The following PDE1C variants were observed in gnomAD, a reference collection of about 807,000 sequenced individuals.
The protein encoded by PDE1C is phosphodiesterase 1C.
PDE1C carries 62 observed loss-of-function variants against 93.1 expected under a neutral mutation model. That is an observed-to-expected ratio of 0.67 (90% CI 0.54 to 0.82). The LOEUF (loss-of-function observed/expected upper bound fraction) is 0.82, where lower values mean the gene tolerates loss of function less well. Ranked by LOEUF, PDE1C falls within the 40% of genes least tolerant of loss-of-function variation. The probability of loss-of-function intolerance (pLI) is 0.00; values close to 1 mark genes in which losing one functional copy is unlikely to be tolerated. For synonymous variants in PDE1C, 325 were observed against 310.1 expected (o/e 1.05, Z -0.50); for missense variants, 742 against 884.6 (o/e 0.84, Z 2.04).
At chr7:31,966,082 T>C (rs1350922973) in intron 2 of PDE1C, among the ~76,000 whole-genome samples, 1 of 152,150 alleles carries the variant, frequency 6.6e-6, no homozygotes, top group African/African-American at 2.4e-5. Flanking sequence ...AACATCATAA[T>C]GACAGGATCA....
At chr7:31,692,374 A>G in the PDE1C span, 2 of 1,266,358 alleles carry the variant, frequency 1.6e-6, no homozygotes, top group East Asian at 4.6e-5. Context: ...AAACAGAGCC[A>G]TACTTATTAA....
chr7:32,276,787 C>T (rs1811319578), intron 1 of PDE1C, among the ~76,000 whole-genome samples: 1 of 152,140 alleles, frequency 6.6e-6, no homozygotes, highest in Admixed American at 6.5e-5. Context: ...CAATACATAT[C>T]AGTTACTGTT....
intron 1 of PDE1C, among the ~76,000 whole-genome samples, chr7:32,284,675 C>T (rs1007120339): frequency 6.6e-5 from 10 of 152,170 alleles, no homozygotes; most frequent in Admixed American, 6.5e-4. Context: ...CATCCCCAAC[C>T]TCATCCATCT....
At chr7:32,083,520 A>G (rs4454189) in intron 3 of PDE1C, among the ~76,000 whole-genome samples, 147,340 of 151,956 alleles carry the variant, frequency 0.97, 71,470 homozygotes, top group East Asian at 1. Flanking sequence ...GATACTCCTC[A>G]AGAAGAGCAA....
At chr7:32,037,135 C>A (rs1429094121) in intron 2 of PDE1C, among the ~76,000 whole-genome samples, 3 of 152,144 alleles carry the variant, frequency 2.0e-5, no homozygotes, top group Non-Finnish European at 4.4e-5. Context: ...AATCTCTACT[C>A]TTTTATGGAA....
intron 1 of PDE1C, among the ~76,000 whole-genome samples, chr7:32,312,166 G>A (rs1783060604): frequency 6.6e-6 from 1 of 152,108 alleles, no homozygotes; most frequent in Admixed American, 6.6e-5. Flanking sequence ...TTGCTTCAAA[G>A]AGAATAAAAT....
At chr7:31,901,763 T>C (rs926779358) in intron 2 of PDE1C, among the ~76,000 whole-genome samples, 2 of 151,514 alleles carry the variant, frequency 1.3e-5, no homozygotes, top group African/African-American at 4.8e-5. Flanking sequence ...ATTGTCAATA[T>C]TGAGAAAACA....
exon 1 of PDE1C, chr7:32,298,769 G>A: frequency 6.4e-7 from 1 of 1,560,024 alleles, no homozygotes; most frequent in Non-Finnish European, 8.7e-7. Context: ...CTCGCAGCGA[G>A]ACCAGCGGCG....
intron 1 of PDE1C, among the ~76,000 whole-genome samples, chr7:32,407,374 A>G (rs1215729555): frequency 6.6e-6 from 1 of 152,230 alleles, no homozygotes; most frequent in Non-Finnish European, 1.5e-5. Flanking sequence ...AGGGAAGAAC[A>G]GCCTCCAATC....
At chr7:31,801,566 T>C (rs1284671145) in intron 16 of PDE1C, among the ~76,000 whole-genome samples, 1 of 151,498 alleles carries the variant, frequency 6.6e-6, no homozygotes, top group Non-Finnish European at 1.5e-5. Flanking sequence ...GATTTTCATA[T>C]CTACTTAGTC....
chr7:31,639,921 AT>A, the PDE1C span, among the ~76,000 whole-genome samples: 1 of 152,016 alleles, frequency 6.6e-6, no homozygotes, highest in East Asian at 1.9e-4. Context: ...CAATTGATTG[AT>A]TTTTCTCCTC....
chr7:32,405,112 C>A (rs1785025372), intron 1 of PDE1C, among the ~76,000 whole-genome samples: 1 of 152,160 alleles, frequency 6.6e-6, no homozygotes, highest in Non-Finnish European at 1.5e-5. Flanking sequence ...TTCTGTTGTA[C>A]AGTATCATTC....
chr7:32,317,298 C>G (rs1783195419), intron 1 of PDE1C, among the ~76,000 whole-genome samples: 2 of 152,168 alleles, frequency 1.3e-5, no homozygotes, highest in Non-Finnish European at 2.9e-5. Flanking sequence ...GTGCCAGACT[C>G]TTTTACCTAC....
intron 2 of PDE1C, among the ~76,000 whole-genome samples, chr7:31,893,008 A>C (rs1279838115): frequency 6.6e-6 from 1 of 152,220 alleles, no homozygotes; most frequent in Non-Finnish European, 1.5e-5. Context: ...GTATTGAAAC[A>C]TCACATTGTA....
chr7:31,762,459 C>T (rs1349472576), intron 17 of PDE1C, among the ~76,000 whole-genome samples: 1 of 152,130 alleles, frequency 6.6e-6, no homozygotes, highest in Admixed American at 6.6e-5. Flanking sequence ...CCCACCTCAG[C>T]CTCCTGAGTA....
At chr7:32,150,858 G>A (rs1801202635) in intron 3 of PDE1C, among the ~76,000 whole-genome samples, 1 of 152,134 alleles carries the variant, frequency 6.6e-6, no homozygotes, top group Non-Finnish European at 1.5e-5. Flanking sequence ...TTTAAGTACA[G>A]TATCTTTTTT....
intron 2 of PDE1C, among the ~76,000 whole-genome samples, chr7:32,194,005 C>T (rs1804428578): frequency 6.7e-6 from 1 of 149,820 alleles, no homozygotes; most frequent in African/African-American, 2.4e-5. Flanking sequence ...AGCTCCACCT[C>T]CCAGGTTCAC....
At chr7:31,863,695 T>C (rs967591750) in intron 7 of PDE1C, among the ~76,000 whole-genome samples, 1 of 152,244 alleles carries the variant, frequency 6.6e-6, no homozygotes, top group African/African-American at 2.4e-5. Flanking sequence ...CAATAATGCC[T>C]AATTGTTGAG....
chr7:32,424,294 TGA>T (rs1202042042), intron 1 of PDE1C, among the ~76,000 whole-genome samples: 1 of 152,206 alleles, frequency 6.6e-6, no homozygotes, highest in African/African-American at 2.4e-5. Flanking sequence ...TAAATTTCCA[TGA>T]GAGACAGCTG....
Sources: allele counts gnomAD v4.1 joint callset (sites outside exome capture counted in the v4.1 genomes callset), GRCh38; gene constraint gnomAD v4.1.1; transcripts MANE v1.5; gene names NCBI Gene and HGNC (gene_info 2026-07-23, HGNC 2026-07-21).